Variants in LRBA observed in about 807,000 individuals in gnomAD.
LRBA encodes LPS responsive beige-like anchor protein, also known as lipopolysaccharide-responsive and beige-like anchor protein.
A neutral mutation model predicts 330.0 loss-of-function variants in LRBA; 176 were observed. The ratio of observed to expected loss-of-function variants is 0.53; its 90% CI spans 0.47 to 0.60. The LOEUF is 0.60. Among genes scored for constraint, LRBA ranks in the 20% least tolerant of loss-of-function variants. LRBA has a pLI of 0.00. For missense variants in LRBA, 3,259 were observed against 3,444.8 expected (o/e 0.95, Z 1.35); for synonymous variants, 1,230 against 1,193.0 (o/e 1.03, Z -0.64).
chr4:150,497,953 T>C (rs1468802856), intron 40 of LRBA, among the ~76,000 whole-genome samples: 2 of 152,196 alleles, frequency 1.3e-5, no homozygotes, highest in Non-Finnish European at 2.9e-5. Flanking sequence ...CTTGCCCTTA[T>C]GACCTGAAAT....
intron 47 of LRBA, among the ~76,000 whole-genome samples, chr4:150,351,552 G>C (rs973219152): frequency 2.0e-5 from 3 of 152,114 alleles, no homozygotes; most frequent in African/African-American, 7.2e-5. Context: ...AGCCGGGCGT[G>C]GTGGCGGGCG....
chr4:150,980,710 AT>A (rs1419011927), intron 2 of LRBA, among the ~76,000 whole-genome samples: 10 of 152,212 alleles, frequency 6.6e-5, no homozygotes, highest in African/African-American at 2.4e-4. Context: ...CCTTGTTTGC[AT>A]ATGATATGAT....
intron 13 of LRBA, among the ~76,000 whole-genome samples, chr4:150,904,197 C>G (rs1033861306): frequency 6.6e-6 from 1 of 152,198 alleles, no homozygotes; most frequent in African/African-American, 2.4e-5. Context: ...TTTATGACCA[C>G]TGATCTATAA....
chr4:150,808,732 A>G (rs947774671), intron 31 of LRBA, among the ~76,000 whole-genome samples: 1 of 152,220 alleles, frequency 6.6e-6, no homozygotes, highest in Non-Finnish European at 1.5e-5. Flanking sequence ...GCATTTTCTT[A>G]ACATAGCAAA....
intron 47 of LRBA, among the ~76,000 whole-genome samples, chr4:150,360,544 GCTT>G (rs1738545117): frequency 6.6e-6 from 1 of 152,124 alleles, no homozygotes; most frequent in Non-Finnish European, 1.5e-5. Context: ...GGACGGTGAG[GCTT>G]TATTCAGTTC....
At chr4:150,972,928 T>C (rs1269110817) in intron 2 of LRBA, among the ~76,000 whole-genome samples, 1 of 152,192 alleles carries the variant, frequency 6.6e-6, no homozygotes, top group Non-Finnish European at 1.5e-5. Context: ...AAGTATCTTC[T>C]TACAGTGTTA....
At chr4:150,433,014 G>A (rs946350046) in intron 46 of LRBA, among the ~76,000 whole-genome samples, 1 of 152,058 alleles carries the variant, frequency 6.6e-6, no homozygotes, top group Middle Eastern at 3.2e-3. Flanking sequence ...CAGATATTAG[G>A]GCATGGTGAT....
intron 2 of LRBA, among the ~76,000 whole-genome samples, chr4:151,005,289 C>G (rs1743881643): frequency 6.6e-6 from 1 of 151,466 alleles, no homozygotes. Flanking sequence ...ACTACAAATA[C>G]AAAAAATTAG....
chr4:150,541,911 G>A (rs1411578620), intron 40 of LRBA, among the ~76,000 whole-genome samples: 1 of 152,052 alleles, frequency 6.6e-6, no homozygotes, highest in African/African-American at 2.4e-5. Flanking sequence ...TCTTGAGCTG[G>A]TCTCAAGCAA....
intron 55 of LRBA, among the ~76,000 whole-genome samples, chr4:150,280,311 T>G (rs1313213521): frequency 6.6e-6 from 1 of 152,148 alleles, no homozygotes; most frequent in Non-Finnish European, 1.5e-5. Context: ...AAATCCTGAG[T>G]GCTCTGGACA....
chr4:150,443,847 T>TAAAAAAAAAAAA lies in LRBA; in HGVS notation c.6781-6984_6781-6983insTTTTTTTTTTTT, dbSNP rs376721928. ...TGTATCCTAGAACTTAAAGTATAAT[T>TAAAAAAAAAAAA]AAAAAAATATATATATATATATATA... On this transcript the variant is annotated intron_variant, in intron 44 of 56. Transcript: ENST00000651943. Among the ~76,000 whole-genome samples the TAAAAAAAAAAAA allele has an allele frequency of 6.8e-3, 363 of 53,670 alleles. 5 individuals are homozygous for TAAAAAAAAAAAA. The highest frequency in any genetic ancestry group is 0.038 in the East Asian group (56 of 1,456). 35.2% of individuals were successfully genotyped at this position (53,670 alleles called of 152,430 possible).
intron 36 of LRBA, 107 bp downstream of exon 36, chr4:150,735,151 A>C (rs2127141512): frequency 1.3e-6 from 1 of 792,952 alleles, no homozygotes; most frequent in Admixed American, 2.0e-5. Flanking sequence ...TAATTTTTTG[A>C]TGACATATAC....
chr4:150,748,230 C>T (rs1372272328), intron 35 of LRBA, among the ~76,000 whole-genome samples: 1 of 152,186 alleles, frequency 6.6e-6, no homozygotes, highest in Non-Finnish European at 1.5e-5. Flanking sequence ...TTCTAAGTCA[C>T]CATTCCCTCT....
intron 40 of LRBA, among the ~76,000 whole-genome samples, chr4:150,548,134 CA>C (rs1766074584): frequency 6.6e-6 from 1 of 152,132 alleles, no homozygotes; most frequent in Non-Finnish European, 1.5e-5. Context: ...ATAATACAAA[CA>C]TTTTTTTCAA....
chr4:150,930,295 A>G (rs1488521970), intron 2 of LRBA, among the ~76,000 whole-genome samples: 1 of 149,514 alleles, frequency 6.7e-6, no homozygotes, highest in Non-Finnish European at 1.5e-5. Flanking sequence ...AGCCTGGGCA[A>G]CTGAGCGAGA....
intron 40 of LRBA, among the ~76,000 whole-genome samples, chr4:150,501,497 A>T (rs762991652): frequency 2.6e-5 from 4 of 152,152 alleles, no homozygotes; most frequent in Non-Finnish European, 5.9e-5. Flanking sequence ...CTGTGGTCCC[A>T]GATACTAGGG....
At chr4:150,318,790 C>G (rs889900492) in intron 50 of LRBA, among the ~76,000 whole-genome samples, 3 of 152,052 alleles carry the variant, frequency 2.0e-5, no homozygotes, top group Non-Finnish European at 4.4e-5. Flanking sequence ...AGACAAACAT[C>G]TCTAATGACA....
intron 53 of LRBA, among the ~76,000 whole-genome samples, chr4:150,299,204 G>A (rs555321266): frequency 6.6e-6 from 1 of 152,146 alleles, no homozygotes; most frequent in African/African-American, 2.4e-5. Context: ...GACAAGGAGA[G>A]AGAGATGCCA....
rs763394663 is a variant in LRBA at position 150,870,511 on chromosome 4, T to C, written c.2449+14A>G. The C allele has an allele frequency of 2.0e-6, 3 of 1,465,080 alleles. No individual in the cohort carries two copies. Among genetic ancestry groups the C allele is most frequent in the Admixed American group, 1.7e-5 (1 of 59,146 alleles). 90.8% of individuals were successfully genotyped at this position (1,465,080 alleles called of 1,614,324 possible). On this transcript the variant is annotated intron_variant, in intron 20 of 56. Coordinates refer to ENST00000651943, the MANE Select transcript of LRBA (RefSeq NM_001364905.1). Reference sequence around the variant, plus strand: ...GCAAAAGGTAGTTTTTGTTAAAGTATATAAAATACATACGAGGGTTTTGTA... The same window carrying C: ...GCAAAAGGTAGTTTTTGTTAAAGTACATAAAATACATACGAGGGTTTTGTA...
Sources: allele counts gnomAD v4.1 joint callset (sites outside exome capture counted in the v4.1 genomes callset), GRCh38; gene constraint gnomAD v4.1.1; transcripts MANE v1.5; gene names NCBI Gene and HGNC (gene_info 2026-07-23, HGNC 2026-07-21).